Variants in KDM4B observed in about 807,000 individuals in gnomAD.
KDM4B encodes lysine demethylase 4B.
KDM4B carries 32 observed loss-of-function variants against 125.2 expected under a neutral mutation model. That is an observed-to-expected ratio of 0.26 (90% CI 0.19 to 0.34). KDM4B has a LOEUF of 0.34. KDM4B is among the 10% of genes least tolerant of loss of function. KDM4B has a pLI of 1.00. For synonymous variants in KDM4B, 721 were observed against 677.9 expected (o/e 1.06, Z -0.99); for missense variants, 1,190 against 1,577.7 (o/e 0.75, Z 4.16).
chr19:5,005,981 T>C (rs1447457049), intron 1 of KDM4B, among the ~76,000 whole-genome samples: 4 of 152,094 alleles, frequency 2.6e-5, no homozygotes, highest in Non-Finnish European at 5.9e-5. Context: ...CGTGCTGCAC[T>C]TCAGGGCCTC....
Position 5,115,470 on chromosome 19 carries a change from T to G in KDM4B, c.1116-4183T>G, listed in dbSNP as rs548677828. On this transcript the variant is annotated intron_variant, in intron 10 of 22. Coordinates refer to ENST00000159111, the MANE Select transcript of KDM4B (RefSeq NM_015015.3). This position sits in a 1 kb window ranked among gnomAD's most constrained non-coding sequence, Gnocchi z 4.2. ...GGGCCCAGTGGAGCAAAGCCACATA[T>G]GCTGATACTGGGGCTCTCCTAAAGT... Among the ~76,000 whole-genome samples, 2 of 152,184 alleles carry G rather than the reference T, an allele frequency of 1.3e-5. No homozygotes were observed. The highest frequency in any genetic ancestry group is 2.9e-5 in the Non-Finnish European group (2 of 68,022).
At chr19:4,994,565 C>CAAAAAA (rs397820720) in intron 1 of KDM4B, among the ~76,000 whole-genome samples, 2 of 45,686 alleles carry the variant, frequency 4.4e-5, no homozygotes, top group Non-Finnish European at 3.9e-5. Flanking sequence ...CTCTGTCTCT[C>CAAAAAA]AAAAAAAAAA....
intron 5 of KDM4B, among the ~76,000 whole-genome samples, chr19:5,045,719 C>G (rs1048273051): frequency 1.3e-5 from 2 of 152,152 alleles, no homozygotes; most frequent in African/African-American, 4.8e-5. Flanking sequence ...GTGATCTGCC[C>G]GCCTTGGCCT....
chr19:5,080,466 T>C (rs2038256677), intron 8 of KDM4B, among the ~76,000 whole-genome samples: 1 of 152,148 alleles, frequency 6.6e-6, no homozygotes, highest in African/African-American at 2.4e-5. Context: ...AAAGCCATGG[T>C]TCAGTGCCCA....
At position 5,035,884 on chromosome 19, in the gene KDM4B, C is replaced by CGCGT. The variant is rs2036606243; in HGVS notation, c.141+2856_141+2857insTGCG. ...GTCTCTGTGTGTGTGTGTGTGTGCG[C>CGCGT]GCGCGCGCGCGCCTGCGCGCACAGG... is the stretch of plus-strand genomic sequence containing the variant. On this transcript the variant is annotated intron_variant, in intron 3 of 22. Coordinates refer to ENST00000159111, the MANE Select transcript of KDM4B (RefSeq NM_015015.3). This position sits in a 1 kb window ranked among gnomAD's most constrained non-coding sequence, Gnocchi z 5.3. 1.1e-5 allele frequency among the ~76,000 whole-genome samples: 1 copy of CGCGT among 90,938 alleles called. No individual in the cohort carries two copies. The highest frequency in any genetic ancestry group is 4.5e-5 in the African/African-American group (1 of 22,428). The allele number at this position is 90,938 out of a possible 152,430, so 59.7% of individuals were successfully genotyped here. A position where few individuals can be genotyped will look rare whatever the true frequency, so the allele number is the denominator to read the frequency against.
At chr19:5,143,758 G>A (rs1401804824) in intron 18 of KDM4B, among the ~76,000 whole-genome samples, 3 of 152,192 alleles carry the variant, frequency 2.0e-5, no homozygotes, top group Non-Finnish European at 4.4e-5. Flanking sequence ...CAGAGGCTGA[G>A]CAGCAGGAGG....
intron 6 of KDM4B, among the ~76,000 whole-genome samples, chr19:5,054,756 C>T (rs1050937309): frequency 6.6e-6 from 1 of 152,178 alleles, no homozygotes; most frequent in African/African-American, 2.4e-5. Context: ...GGTAAGTGGT[C>T]CAGGCTGCGG....
chr19:5,035,384 C>G lies in KDM4B; in HGVS notation c.141+2353C>G, dbSNP rs1188621714. On this transcript the variant is annotated intron_variant, in intron 3 of 22. Transcript: ENST00000159111. This position sits in a 1 kb window ranked among gnomAD's most constrained non-coding sequence, Gnocchi z 5.3. ...TCAGCATCTCAGACCGCCCTGCGCTCTTCCGAGGTGCCTTTAAATGCCCGC... is the reference window on the plus strand; with the variant it reads ...TCAGCATCTCAGACCGCCCTGCGCTGTTCCGAGGTGCCTTTAAATGCCCGC... Among the ~76,000 whole-genome samples, 1 of 152,174 alleles carries G rather than the reference C, an allele frequency of 6.6e-6. No homozygotes were observed. The highest frequency in any genetic ancestry group is 1.5e-5 in the Non-Finnish European group (1 of 68,026).
In KDM4B at chr19:5,142,906, G is replaced by A. The variant is rs1031270671; in HGVS notation, c.2551-1061G>A. Among the ~76,000 whole-genome samples, 179 of 152,152 alleles carry A rather than the reference G, an allele frequency of 1.2e-3. No individual in the cohort carries two copies. Among genetic ancestry groups the A allele is most frequent in the African/African-American group, 4.2e-3 (172 of 41,440 alleles). On this transcript the variant is annotated intron_variant, in intron 18 of 22. Transcript: ENST00000159111. This position sits in a 1 kb window ranked among gnomAD's most constrained non-coding sequence, Gnocchi z 5.4. ...ATGCTTAGCTGGGCCTGGCGTGGGT[G>A]TGGCGGCCGCCAGGGCCCCGGTGCT...
At chr19:5,083,621 GC>G (rs2038374893) in intron 9 of KDM4B, among the ~76,000 whole-genome samples, 1 of 152,204 alleles carries the variant, frequency 6.6e-6, no homozygotes, top group South Asian at 2.1e-4. Flanking sequence ...CTGGCTCAGG[GC>G]TGCTGTTTCT....
In KDM4B at chr19:5,150,460, C is replaced by A; in HGVS notation, c.3114+10C>A. 1 of 1,543,530 alleles carries A rather than the reference C, an allele frequency of 6.5e-7. No homozygotes were observed. The highest frequency in any genetic ancestry group is 8.8e-7 in the Non-Finnish European group (1 of 1,142,090). ...GGTCCGCTCTCGGCTGGTGAGTGCG[C>A]GAGGCTGGCCTGGTGGCTCCGGGTG... is the stretch of plus-strand genomic sequence containing the variant. On this transcript the variant is annotated intron_variant, in intron 22 of 22. Coordinates refer to ENST00000159111, the MANE Select transcript of KDM4B (RefSeq NM_015015.3).
chr19:5,077,635 AG>A, intron 8 of KDM4B, 165 bp downstream of exon 8: 1 of 600,544 alleles, frequency 1.7e-6, no homozygotes, highest in Non-Finnish European at 2.9e-6. Context: ...GTTAGCCTCC[AG>A]CTCTTCCACG....
intron 6 of KDM4B, among the ~76,000 whole-genome samples, chr19:5,048,360 G>A (rs1196952320): frequency 6.6e-6 from 1 of 152,232 alleles, no homozygotes; most frequent in African/African-American, 2.4e-5. Flanking sequence ...GCATGCGTGT[G>A]TGTGCCCCTG....
chr19:4,982,523 T>G (rs1488570599), intron 1 of KDM4B, among the ~76,000 whole-genome samples: 1 of 152,126 alleles, frequency 6.6e-6, no homozygotes, highest in Non-Finnish European at 1.5e-5. Flanking sequence ...TTTCCTTTTT[T>G]TAAAAAAATT....
intron 5 of KDM4B, among the ~76,000 whole-genome samples, chr19:5,044,852 C>T (rs151172717): frequency 0.011 from 1,696 of 152,284 alleles, 41 homozygotes; most frequent in South Asian, 0.067. Context: ...ATCCTACAGT[C>T]GGTAGCCTTT....
chr19:4,986,692 A>AG (rs1020191976), intron 1 of KDM4B, among the ~76,000 whole-genome samples: 1 of 152,228 alleles, frequency 6.6e-6, no homozygotes, highest in Non-Finnish European at 1.5e-5. Context: ...CTCTCCCAGC[A>AG]GGTGACATTC....
chr19:5,000,868 G>T (rs2035362661), intron 1 of KDM4B, among the ~76,000 whole-genome samples: 3 of 152,112 alleles, frequency 2.0e-5, no homozygotes, highest in African/African-American at 7.2e-5. Context: ...CATTAGCATG[G>T]TTCCAGAGTC....
chr19:4,997,473 G>C lies in KDM4B; in HGVS notation c.-108-18784G>C, dbSNP rs985468908. ...TTGTGTTTCCAACATGTCCACCCCA[G>C]CCGGCTGGGCCTGCGTACCCAGTGG... On this transcript the variant is annotated intron_variant, in intron 1 of 22. Transcript: ENST00000159111. The surrounding 1 kb of genome is among the most constrained non-coding windows in gnomAD (Gnocchi z 4.2). Among the ~76,000 whole-genome samples the C allele has an allele frequency of 2.0e-5, 3 of 152,080 alleles. No homozygotes were observed. The highest frequency in any genetic ancestry group is 2.9e-5 in the Non-Finnish European group (2 of 67,990).
intron 6 of KDM4B, among the ~76,000 whole-genome samples, chr19:5,069,870 G>T (rs1286628155): frequency 6.6e-6 from 1 of 152,110 alleles, no homozygotes; most frequent in Non-Finnish European, 1.5e-5. Flanking sequence ...GCCTCCCAAA[G>T]TGCTGGGATG....
Sources: gnomAD v4.1 joint callset for allele counts (sites outside exome capture counted in the v4.1 genomes callset) on GRCh38, gnomAD v4.1.1 for gene constraint, Gnocchi (gnomAD v3.1) non-coding constraint, MANE v1.5 for transcripts, NCBI Gene and HGNC (gene_info 2026-07-23, HGNC 2026-07-21) for gene names.